The following KCNJ4 variants were observed in gnomAD, a reference collection of about 807,000 sequenced individuals.
KCNJ4 encodes potassium inwardly rectifying channel subfamily J member 4, also known as inward rectifier potassium channel 4.
In KCNJ4, 3 loss-of-function variants were observed where a neutral mutation model predicts 25.6. That is an observed-to-expected ratio of 0.12 (90% CI 0.05 to 0.30). The LOEUF is 0.30. Ranked by LOEUF, KCNJ4 falls within the 10% of genes least tolerant of loss-of-function variation. The pLI, the probability that KCNJ4 is intolerant of heterozygous loss-of-function variation, is 1.00. For synonymous variants in KCNJ4, 257 were observed against 283.9 expected (o/e 0.91, Z 0.95); for missense variants, 286 against 666.8 (o/e 0.43, Z 6.29).
intron 1 of KCNJ4, among the ~76,000 whole-genome samples, chr22:38,446,872 C>T (rs2089377800): frequency 6.6e-6 from 1 of 151,528 alleles, no homozygotes; most frequent in Admixed American, 6.6e-5. Flanking sequence ...CAGAGAATTG[C>T]TTGAACTGGG....
intron 1 of KCNJ4, among the ~76,000 whole-genome samples, chr22:38,435,679 C>T (rs189932290): frequency 3.4e-5 from 5 of 147,842 alleles, no homozygotes; most frequent in Non-Finnish European, 7.4e-5. Context: ...GGCAACAGAG[C>T]GAGACTCTGT....
chr22:38,444,684 C>T (rs2089361101), intron 1 of KCNJ4, among the ~76,000 whole-genome samples: 2 of 152,176 alleles, frequency 1.3e-5, no homozygotes, highest in Admixed American at 1.3e-4. Context: ...CAGCCCCTGC[C>T]CATGACTCAA....
At chr22:38,437,246 G>A (rs2093068055) in intron 1 of KCNJ4, among the ~76,000 whole-genome samples, 1 of 152,230 alleles carries the variant, frequency 6.6e-6, no homozygotes, top group Non-Finnish European at 1.5e-5. Flanking sequence ...CCTTTGGTGA[G>A]GGCCAAATCA....
At chr22:38,442,323 C>A (rs192921735) in intron 1 of KCNJ4, among the ~76,000 whole-genome samples, 2,127 of 152,020 alleles carry the variant, frequency 0.014, 19 homozygotes, top group Non-Finnish European at 0.022. Flanking sequence ...CCGAGGCGGG[C>A]GGATCACGAG....
intron 1 of KCNJ4, among the ~76,000 whole-genome samples, chr22:38,450,522 G>A (rs559977057): frequency 1.3e-5 from 2 of 152,068 alleles, no homozygotes; most frequent in East Asian, 1.9e-4. Flanking sequence ...CTCTCCCTGC[G>A]CCGATAACTT....
At position 38,427,308 on chromosome 22, in the gene KCNJ4, G is replaced by T. The variant is rs2145929887; in HGVS notation, c.825C>A (p.Gly275=). The T allele has an allele frequency of 1.2e-6, 2 of 1,613,978 alleles. No individual in the cohort carries two copies. Among genetic ancestry groups the T allele is most frequent in the Non-Finnish European group, 1.7e-6 (2 of 1,180,004 alleles). The change falls in exon 2 of 2, where the codon GGC becomes GGA. Residue 275 remains glycine, a synonymous_variant. Coordinates refer to ENST00000303592, the MANE Select transcript of KCNJ4 (RefSeq NM_152868.3). ...IDEDSPLYGM[G]KEELESEDFE... is the part of the protein sequence containing the mutation. ...AGTCCTCCGACTCCAGCTCCTCCTT[G>T]CCCATGCCATAAAGCGGGCTGTCCT...
At chr22:38,439,963 C>A (rs1015568583) in intron 1 of KCNJ4, among the ~76,000 whole-genome samples, 29 of 150,826 alleles carry the variant, frequency 1.9e-4, no homozygotes, top group Admixed American at 3.3e-4. Context: ...TGGTGGCGGG[C>A]ACCTGCAGTC....
intron 1 of KCNJ4, among the ~76,000 whole-genome samples, chr22:38,451,698 C>T (rs192122602): frequency 1.7e-4 from 26 of 152,282 alleles, no homozygotes; most frequent in African/African-American, 6.3e-4. Flanking sequence ...CTTCCTCCAC[C>T]CCCAAACCAT....
intron 1 of KCNJ4, among the ~76,000 whole-genome samples, chr22:38,446,975 CAG>C (rs1555919417): frequency 1.3e-5 from 2 of 149,272 alleles, no homozygotes; most frequent in Non-Finnish European, 3.0e-5. Context: ...AAAAAAGAAA[CAG>C]AGGCAAACGC....
At chr22:38,452,561 G>A (rs538725975) in intron 1 of KCNJ4, among the ~76,000 whole-genome samples, 4 of 152,286 alleles carry the variant, frequency 2.6e-5, no homozygotes, top group South Asian at 2.1e-4. Context: ...CAGGGGGAGC[G>A]GCGGCGGTGG....
chr22:38,439,538 A>T lies in KCNJ4; in HGVS notation c.-39-11367T>A, dbSNP rs577564565. The stretch of plus-strand genomic sequence containing the variant: ...ACGCCTGTAATCCCGGCACTTTGGG[A>T]GGCCAAGGCAGGCAGATCACGAGGT... On this transcript the variant is annotated intron_variant, in intron 1 of 1. Transcript: ENST00000303592. 2.6e-5 allele frequency among the ~76,000 whole-genome samples: 4 copies of T among 152,326 alleles called. No individual in the cohort carries two copies. The East Asian group carries it at 5.8e-4, about 22-fold the overall frequency.
chr22:38,438,121 C>G (rs941238829), intron 1 of KCNJ4, among the ~76,000 whole-genome samples: 2 of 151,592 alleles, frequency 1.3e-5, no homozygotes, highest in African/African-American at 4.9e-5. Flanking sequence ...CGCCTGTAGT[C>G]CCAGCTACTA....
intron 1 of KCNJ4, among the ~76,000 whole-genome samples, chr22:38,439,706 C>G (rs550180586): frequency 6.9e-6 from 1 of 145,646 alleles, no homozygotes; most frequent in Non-Finnish European, 1.5e-5. Flanking sequence ...ACCCAGGAGA[C>G]GGAGCTTGCA....
At chr22:38,438,131 A>G (rs1295387235) in intron 1 of KCNJ4, among the ~76,000 whole-genome samples, 2 of 146,680 alleles carry the variant, frequency 1.4e-5, no homozygotes, top group African/African-American at 5.1e-5. Context: ...CCCAGCTACT[A>G]GGGAGGCTGA....
At chr22:38,452,018 C>T (rs1210983706) in intron 1 of KCNJ4, among the ~76,000 whole-genome samples, 3 of 152,214 alleles carry the variant, frequency 2.0e-5, no homozygotes, top group Non-Finnish European at 4.4e-5. Flanking sequence ...CTACTCCTGT[C>T]TCCTGCTTTC....
chr22:38,437,863 G>A (rs545680139), intron 1 of KCNJ4, among the ~76,000 whole-genome samples: 3 of 152,294 alleles, frequency 2.0e-5, no homozygotes, highest in Admixed American at 1.3e-4. Context: ...AGCACTTTGG[G>A]AGGCCGAAGT....
chr22:38,428,335 G>A (rs1022667577), intron 1 of KCNJ4, among the ~76,000 whole-genome samples, 164 bp from the exon 2 acceptor site: 1 of 152,240 alleles, frequency 6.6e-6, no homozygotes, highest in Non-Finnish European at 1.5e-5. Flanking sequence ...TGGCTCTGAT[G>A]ACAGGGTCTG....
In KCNJ4 at chr22:38,443,175, CCTT is replaced by C. The variant is rs1353698722; in HGVS notation, c.-40+11802_-40+11804del. ...GCTCTGGACTGGCCCTCGTTTTCCT[CCTT>C]GAGTCCTCCAGGCCTGAGGGTCCCT... On this transcript the variant is annotated intron_variant, in intron 1 of 1. Transcript: ENST00000303592. This position sits in a 1 kb window ranked among gnomAD's most constrained non-coding sequence, Gnocchi z 4.1. 1.3e-5 allele frequency among the ~76,000 whole-genome samples: 2 copies of C among 152,274 alleles called. No individual in the cohort carries two copies. The highest frequency in any genetic ancestry group is 2.1e-4 in the South Asian group (1 of 4,826).
chr22:38,430,502 C>A (rs911128619), intron 1 of KCNJ4, among the ~76,000 whole-genome samples: 1 of 151,396 alleles, frequency 6.6e-6, no homozygotes, highest in Non-Finnish European at 1.5e-5. Flanking sequence ...GACTTCGTCT[C>A]GAAAAAAAAA....
Sources: allele counts gnomAD v4.1 joint callset (sites outside exome capture counted in the v4.1 genomes callset), GRCh38; gene constraint gnomAD v4.1.1; non-coding constraint Gnocchi (gnomAD v3.1); transcripts MANE v1.5; gene names NCBI Gene and HGNC (gene_info 2026-07-23, HGNC 2026-07-21).